CACNA1D: variants seen among roughly 807,000 people sequenced by gnomAD.
The protein encoded by CACNA1D is voltage-dependent L-type calcium channel subunit alpha-1D.
CACNA1D carries 55 observed loss-of-function variants against 257.1 expected under a neutral mutation model. The observed-to-expected ratio is 0.21, with a 90% CI of 0.17 to 0.27. CACNA1D has a LOEUF of 0.27. Among genes scored for constraint, CACNA1D ranks in the 10% least tolerant of loss-of-function variants. CACNA1D has a pLI of 1.00. For missense variants in CACNA1D, 1,876 were observed against 2,784.0 expected, an observed-to-expected ratio of 0.67 and a Z score of 7.34; for synonymous variants, 980 against 1,014.9, an observed-to-expected ratio of 0.97 and a Z score of 0.65.
At chr3:53,740,374 A>G in intron 21 of CACNA1D, 35 bp downstream of exon 21, 1 of 1,356,938 alleles carries the variant, frequency 7.4e-7, no homozygotes. Context: ...CATACTCCAC[A>G]GCAGCTGGAG....
In CACNA1D at chr3:53,811,621, C is replaced by G. The variant is rs891284949; in HGVS notation, c.*215C>G. 2.3e-5 allele frequency: 11 copies of G among 472,684 alleles called. No individual in the cohort carries two copies. Among genetic ancestry groups the G allele is most frequent in the African/African-American group, 2.2e-4 (11 of 51,012 alleles). 29.3% of individuals were successfully genotyped at this position (472,684 alleles called of 1,614,324 possible). A position where few individuals can be genotyped will look rare whatever the true frequency, so the allele number is the denominator to read the frequency against. On this transcript the variant is annotated 3_prime_UTR_variant, in exon 48 of 48. Coordinates refer to ENST00000350061, the MANE Select transcript of CACNA1D (RefSeq NM_001128840.3). The surrounding 1 kb of genome is among the most constrained non-coding windows in gnomAD (Gnocchi z 4.2). ...CCTGGCAGAGTACCATGCGCTCGGC[C>G]CCAGCTGCAGGAAACAGCAGGCCCC... is the stretch of plus-strand genomic sequence containing the variant.
chr3:53,660,720 G>A (rs1426514787), intron 5 of CACNA1D, among the ~76,000 whole-genome samples: 1 of 152,012 alleles, frequency 6.6e-6, no homozygotes, highest in Non-Finnish European at 1.5e-5. Context: ...TCAGAGGGAT[G>A]GACTCCTGGA....
intron 8 of CACNA1D, among the ~76,000 whole-genome samples, chr3:53,681,728 T>A (rs2094431870): frequency 6.6e-6 from 1 of 152,236 alleles, no homozygotes; most frequent in South Asian, 2.1e-4. Context: ...CAAACTCGTA[T>A]AAATGCTTTG....
At chr3:53,698,113 C>T (rs980872988) in intron 8 of CACNA1D, among the ~76,000 whole-genome samples, 1 of 152,228 alleles carries the variant, frequency 6.6e-6, no homozygotes, top group Non-Finnish European at 1.5e-5. Context: ...CACATACTCA[C>T]ATATCAGCCT....
intron 3 of CACNA1D, among the ~76,000 whole-genome samples, chr3:53,630,148 C>T (rs1364770700): frequency 6.6e-6 from 1 of 152,196 alleles, no homozygotes; most frequent in Non-Finnish European, 1.5e-5. Context: ...CAATTATTTG[C>T]CAATCTGATG....
intron 8 of CACNA1D, among the ~76,000 whole-genome samples, chr3:53,674,561 G>A (rs1304267811): frequency 6.6e-6 from 1 of 152,234 alleles, no homozygotes; most frequent in East Asian, 1.9e-4. Context: ...GGGTGCAACA[G>A]ATTCTGGCCT....
At chr3:53,806,180 TCCTCCTC>T (rs149265188) in intron 45 of CACNA1D, among the ~76,000 whole-genome samples, 29,763 of 71,558 alleles carry the variant, frequency 0.42, 6,888 homozygotes, top group East Asian at 0.58. Flanking sequence ...CTCTCCTCCC[TCCTCCTC>T]CCTCCTCCCT....
intron 40 of CACNA1D, among the ~76,000 whole-genome samples, chr3:53,792,912 G>A (rs2095490973): frequency 6.6e-6 from 1 of 152,244 alleles, no homozygotes. Context: ...GTGCAGACTA[G>A]TTAACATCCA....
chr3:53,718,083 G>A (rs1244747197), intron 9 of CACNA1D, among the ~76,000 whole-genome samples: 3 of 152,158 alleles, frequency 2.0e-5, no homozygotes, highest in African/African-American at 7.2e-5. Context: ...TCCTCGAGGG[G>A]GACTGTGTTT....
intron 3 of CACNA1D, among the ~76,000 whole-genome samples, chr3:53,559,637 T>C (rs2092703229): frequency 6.6e-6 from 1 of 152,200 alleles, no homozygotes; most frequent in Non-Finnish European, 1.5e-5. Context: ...AGTGAAAATC[T>C]GAAGGCCACT....
At position 53,780,062 on chromosome 3, in the gene CACNA1D, G is replaced by A. The variant is rs766813584; in HGVS notation, c.4624G>A (p.Gly1542Arg). The stretch of plus-strand genomic sequence containing the variant: ...CATGAACATGCCTCTCAACAGTGAC[G>A]GGACAGTCATGTTTAATGCAACCCT... ...VAMNMPLNSD[G>R]TVMFNATLFA... is the part of the protein sequence containing the mutation. Residue 1542 changes from glycine to arginine, a missense_variant, in exon 38 of 48, where the codon GGG becomes AGG. By Grantham distance (125) the Gly-to-Arg change is moderately radical. Coordinates refer to ENST00000350061, the MANE Select transcript of CACNA1D (RefSeq NM_001128840.3). The A allele has an allele frequency of 2.5e-6, 4 of 1,614,028 alleles. No individual in the cohort carries two copies. Among genetic ancestry groups the A allele is most frequent in the East Asian group, 2.2e-5 (1 of 44,882 alleles).
chr3:53,663,352 G>A (rs890465887), intron 5 of CACNA1D, among the ~76,000 whole-genome samples: 1 of 142,490 alleles, frequency 7.0e-6, no homozygotes. Context: ...AGAGACAACA[G>A]GGAAGGACAG....
intron 9 of CACNA1D, among the ~76,000 whole-genome samples, chr3:53,714,624 T>G (rs772863949): frequency 1.3e-5 from 2 of 152,260 alleles, no homozygotes; most frequent in African/African-American, 4.8e-5. Flanking sequence ...TAGACTCGTT[T>G]GGCTTTTTGG....
intron 3 of CACNA1D, among the ~76,000 whole-genome samples, chr3:53,562,908 A>G (rs2092766335): frequency 6.6e-6 from 1 of 152,222 alleles, no homozygotes; most frequent in African/African-American, 2.4e-5. Context: ...AGTTCAGGAA[A>G]CTGAGGCATA....
chr3:53,564,057 A>G (rs551601122), intron 3 of CACNA1D, among the ~76,000 whole-genome samples: 1 of 152,196 alleles, frequency 6.6e-6, no homozygotes, highest in East Asian at 1.9e-4. Context: ...TTCTGACTTG[A>G]ATATGTATTT....
chr3:53,517,990 C>T (rs979602433), intron 3 of CACNA1D, among the ~76,000 whole-genome samples: 1 of 152,226 alleles, frequency 6.6e-6, no homozygotes, highest in Non-Finnish European at 1.5e-5. Context: ...CATCTTCATC[C>T]TCTTCCTAAA....
chr3:53,810,428 T>C, intron 47 of CACNA1D, 130 bp downstream of exon 47: 1 of 865,290 alleles, frequency 1.2e-6, no homozygotes, highest in South Asian at 1.4e-5. Flanking sequence ...CAGACACTTC[T>C]GAGCAGCAGG....
At chr3:53,604,300 A>G (rs2107902200) in intron 3 of CACNA1D, among the ~76,000 whole-genome samples, 1 of 152,326 alleles carries the variant, frequency 6.6e-6, no homozygotes, top group East Asian at 1.9e-4. Flanking sequence ...AGATGGAGGA[A>G]ACAGTGCAGA....
At chr3:53,750,643 A>G (rs1430502291) in intron 27 of CACNA1D, among the ~76,000 whole-genome samples, 1 of 152,186 alleles carries the variant, frequency 6.6e-6, no homozygotes, top group Non-Finnish European at 1.5e-5. Flanking sequence ...CCCAAGGAAG[A>G]GGAGTGTCAG....
Sources: gnomAD v4.1 joint callset for allele counts (sites outside exome capture counted in the v4.1 genomes callset) on GRCh38, gnomAD v4.1.1 for gene constraint, Gnocchi (gnomAD v3.1) non-coding constraint, MANE v1.5 for transcripts, NCBI Gene and HGNC (gene_info 2026-07-23, HGNC 2026-07-21) for gene names.